TRPM3: variants seen among roughly 807,000 people sequenced by gnomAD.
TRPM3 encodes the protein long transient receptor potential channel 3.
A neutral mutation model predicts 181.2 loss-of-function variants in TRPM3; 77 were observed. That is an observed-to-expected ratio of 0.42 (90% CI 0.35 to 0.51). The LOEUF (loss-of-function observed/expected upper bound fraction) is 0.51. TRPM3 is among the 20% of genes least tolerant of loss of function. TRPM3 has a pLI of 0.01. For missense variants in TRPM3, 1,759 were observed against 2,196.7 expected (o/e 0.80, Z 3.98); for synonymous variants, 745 against 796.4 (o/e 0.94, Z 1.09).
chr9:71,220,776 C>T (rs986476999), intron 1 of TRPM3, among the ~76,000 whole-genome samples: 2 of 152,116 alleles, frequency 1.3e-5, no homozygotes, highest in South Asian at 2.1e-4. Context: ...AGTCTACACA[C>T]GAAAATACCT....
chr9:71,039,501 G>A (rs2058588385), intron 1 of TRPM3, among the ~76,000 whole-genome samples: 1 of 152,098 alleles, frequency 6.6e-6, no homozygotes, highest in South Asian at 2.1e-4. Flanking sequence ...TGCCAGAGAT[G>A]GAAAATGTAC....
At chr9:70,645,516 C>G (rs11142528) in intron 9 of TRPM3, among the ~76,000 whole-genome samples, 61,564 of 151,920 alleles carry the variant, frequency 0.41, 13,543 homozygotes, top group African/African-American at 0.58. Flanking sequence ...ATGCAGAAAA[C>G]TGAAACTGGA....
chr9:70,558,033 C>T (rs536044641), intron 22 of TRPM3, among the ~76,000 whole-genome samples: 5 of 152,308 alleles, frequency 3.3e-5, no homozygotes, highest in African/African-American at 1.2e-4. Context: ...ATTTTATTCC[C>T]TGATTGCAGT....
Position 71,121,259 on chromosome 9 carries a change from C to G in TRPM3, c.96G>C (p.Gln32His). 1 of 1,614,166 alleles carries G rather than the reference C, an allele frequency of 6.2e-7. No homozygotes were observed. The highest frequency in any genetic ancestry group is 1.6e-4 in the Middle Eastern group (1 of 6,062). ...AGTTTAGGGGTCGAGGAGCATCAGC[C>G]TGATTCATGACCCCTTCCAAATTCC... ...SWWNLEGVMN[Q>H]ADAPRPLNWT... The change falls in exon 1 of 26, where the codon CAG (glutamine) becomes CAC (histidine). Residue 32 changes from glutamine (Q) to histidine (H), a missense_variant. By Grantham distance (24) the Gln-to-His change is conservative (BLOSUM62 0). Transcript: ENST00000677713.
At chr9:71,203,273 T>G (rs4745067) in intron 1 of TRPM3, among the ~76,000 whole-genome samples, 65,300 of 152,052 alleles carry the variant, frequency 0.43, 14,414 homozygotes, top group East Asian at 0.52. Flanking sequence ...TGGGCTTCAT[T>G]CTCCCTTATC....
chr9:70,977,343 C>T (rs1263728963), intron 1 of TRPM3, among the ~76,000 whole-genome samples: 1 of 152,176 alleles, frequency 6.6e-6, no homozygotes, highest in Non-Finnish European at 1.5e-5. Context: ...ACCGTGTTAG[C>T]CAGGATGGGC....
intron 9 of TRPM3, among the ~76,000 whole-genome samples, chr9:70,658,648 A>G (rs1014564263): frequency 6.6e-6 from 1 of 152,080 alleles, no homozygotes; most frequent in African/African-American, 2.4e-5. Context: ...GTCTTTGACT[A>G]TGGCTGCCCT....
chr9:70,869,344 C>G (rs2095736582), intron 1 of TRPM3, among the ~76,000 whole-genome samples: 1 of 151,388 alleles, frequency 6.6e-6, no homozygotes, highest in South Asian at 2.1e-4. Context: ...GCTCCCCCGC[C>G]CTCCCTCCCT....
intron 1 of TRPM3, among the ~76,000 whole-genome samples, chr9:71,333,037 C>A (rs2090320880): frequency 6.6e-6 from 1 of 151,820 alleles, no homozygotes; most frequent in South Asian, 2.1e-4. Context: ...TACTTGGACT[C>A]CACGTGGTTA....
chr9:71,339,850 G>T (rs111241586), intron 1 of TRPM3, among the ~76,000 whole-genome samples: 2,126 of 152,152 alleles, frequency 0.014, 24 homozygotes, highest in Middle Eastern at 0.061. Flanking sequence ...ATAAAATTCA[G>T]AACTAGACAC....
chr9:71,237,302 C>T (rs2081416037), intron 1 of TRPM3, among the ~76,000 whole-genome samples: 1 of 152,002 alleles, frequency 6.6e-6, no homozygotes, highest in South Asian at 2.1e-4. Context: ...AATGATGATA[C>T]TATGAACACA....
chr9:71,107,500 C>T (rs2069959614), intron 1 of TRPM3, among the ~76,000 whole-genome samples: 1 of 152,150 alleles, frequency 6.6e-6, no homozygotes, highest in Non-Finnish European at 1.5e-5. Flanking sequence ...CTCCTCAATT[C>T]CAATATTAGC....
intron 1 of TRPM3, among the ~76,000 whole-genome samples, chr9:71,217,444 A>C (rs7849553): frequency 0.39 from 60,048 of 152,042 alleles, 12,670 homozygotes; most frequent in East Asian, 0.51. Flanking sequence ...CTTCCATAAT[A>C]AAGTCAACGG....
intron 1 of TRPM3, among the ~76,000 whole-genome samples, chr9:71,195,867 A>G (rs1229425525): frequency 6.6e-6 from 1 of 152,098 alleles, no homozygotes; most frequent in Non-Finnish European, 1.5e-5. Context: ...ACAGAAAACC[A>G]AATATCGCAT....
intron 9 of TRPM3, among the ~76,000 whole-genome samples, chr9:70,666,063 A>G (rs1034928086): frequency 3.9e-5 from 6 of 152,190 alleles, no homozygotes; most frequent in Admixed American, 2.6e-4. Context: ...TCTTTCTGCT[A>G]GTTGGTCTTT....
At chr9:70,847,991 T>C (rs907417472) in intron 3 of TRPM3, among the ~76,000 whole-genome samples, 15 of 151,996 alleles carry the variant, frequency 9.9e-5, no homozygotes, top group Non-Finnish European at 1.6e-4. Flanking sequence ...TAAAATAAAT[T>C]ATACAGGAAA....
chr9:70,616,265 T>C (rs4604510), intron 17 of TRPM3, among the ~76,000 whole-genome samples, 190 bp from the exon 18 acceptor site: 6,175 of 152,106 alleles, frequency 0.041, 172 homozygotes, highest in Non-Finnish European at 0.059. Flanking sequence ...TATTAACATA[T>C]TAATACTAAG....
chr9:71,415,600 C>A (rs1341522917), intron 1 of TRPM3, among the ~76,000 whole-genome samples: 1 of 151,946 alleles, frequency 6.6e-6, no homozygotes, highest in Non-Finnish European at 1.5e-5. Flanking sequence ...TACAAGCAGA[C>A]TTTGATAAAT....
chr9:71,431,878 A>T (rs1472745686), intron 1 of TRPM3, among the ~76,000 whole-genome samples: 1 of 152,182 alleles, frequency 6.6e-6, no homozygotes, highest in Non-Finnish European at 1.5e-5. Context: ...GATATGAAAC[A>T]CCAAAGTCTA....
Sources: gnomAD v4.1 joint callset for allele counts (sites outside exome capture counted in the v4.1 genomes callset) on GRCh38, gnomAD v4.1.1 for gene constraint, MANE v1.5 for transcripts, NCBI Gene and HGNC (gene_info 2026-07-23, HGNC 2026-07-21) for gene names.